Variants in NDST3 observed in about 807,000 individuals in gnomAD.
NDST3 encodes the protein N-deacetylase and N-sulfotransferase 3, also known as bifunctional heparan sulfate N-deacetylase/N-sulfotransferase 3.
A neutral mutation model predicts 96.1 loss-of-function variants in NDST3; 58 were observed. That is an observed-to-expected ratio of 0.60 (90% CI 0.49 to 0.75). The LOEUF (loss-of-function observed/expected upper bound fraction) is 0.75. Ranked by LOEUF, NDST3 falls within the 30% of genes least tolerant of loss-of-function variation. NDST3 has a pLI of 0.00. For missense variants in NDST3, 788 were observed against 1,034.2 expected (o/e 0.76, Z 3.27); for synonymous variants, 333 against 359.7 (o/e 0.93, Z 0.84).
At chr4:118,214,430 T>G (rs1337990818) in intron 6 of NDST3, among the ~76,000 whole-genome samples, 10 of 152,332 alleles carry the variant, frequency 6.6e-5, no homozygotes, top group Middle Eastern at 3.4e-3. Flanking sequence ...TAATAATTTT[T>G]ATGTTGATTA....
chr4:118,210,226 G>A (rs1738694685), intron 6 of NDST3, among the ~76,000 whole-genome samples: 1 of 152,092 alleles, frequency 6.6e-6, no homozygotes, highest in Admixed American at 6.5e-5. Context: ...GCTGAGCTCT[G>A]GCTTGAGGGT....
At chr4:118,094,052 C>T (rs1324408306) in intron 2 of NDST3, among the ~76,000 whole-genome samples, 1 of 151,830 alleles carries the variant, frequency 6.6e-6, no homozygotes, top group Non-Finnish European at 1.5e-5. Flanking sequence ...ATGAGAGCTC[C>T]ACTGTCATGA....
chr4:118,213,965 T>G (rs71608352), intron 6 of NDST3, among the ~76,000 whole-genome samples: 1 of 152,076 alleles, frequency 6.6e-6, no homozygotes, highest in Non-Finnish European at 1.5e-5. Flanking sequence ...ACTGTAGATA[T>G]AATAAAGAGT....
At chr4:118,111,008 CTT>C (rs1730590471) in intron 3 of NDST3, among the ~76,000 whole-genome samples, 1 of 152,130 alleles carries the variant, frequency 6.6e-6, no homozygotes, top group South Asian at 2.1e-4. Context: ...AAATCATGTC[CTT>C]TGCAGCAACA....
intron 6 of NDST3, among the ~76,000 whole-genome samples, chr4:118,219,462 T>C (rs1739398054): frequency 6.6e-6 from 1 of 152,110 alleles, no homozygotes; most frequent in Non-Finnish European, 1.5e-5. Flanking sequence ...ATTTAATAAA[T>C]GGTGCTGGAA....
chr4:118,215,182 C>G (rs1250942293), intron 6 of NDST3, among the ~76,000 whole-genome samples: 1 of 151,782 alleles, frequency 6.6e-6, no homozygotes, highest in Non-Finnish European at 1.5e-5. Context: ...GGTGATTCCA[C>G]CTAGAGACAG....
intron 12 of NDST3, among the ~76,000 whole-genome samples, chr4:118,246,955 T>C (rs1741353698): frequency 6.6e-6 from 1 of 152,200 alleles, no homozygotes; most frequent in Non-Finnish European, 1.5e-5. Flanking sequence ...AATCCTCATA[T>C]ACTGCTAATG....
chr4:118,072,215 C>CT (rs963029539), intron 2 of NDST3, among the ~76,000 whole-genome samples: 1 of 151,800 alleles, frequency 6.6e-6, no homozygotes, highest in Non-Finnish European at 1.5e-5. Context: ...TATTCAGGCA[C>CT]TTTTTTTTGT....
chr4:118,138,312 A>C (rs1733292620), intron 5 of NDST3, 73 bp downstream of exon 5: 1 of 1,340,230 alleles, frequency 7.5e-7, no homozygotes, highest in Admixed American at 2.2e-5. Context: ...AGAAAGAAAA[A>C]CACAAATGTT....
intron 1 of NDST3, among the ~76,000 whole-genome samples, chr4:118,040,782 A>T (rs1724399495): frequency 6.6e-6 from 1 of 150,626 alleles, no homozygotes; most frequent in Non-Finnish European, 1.5e-5. Context: ...TCCCAGGCTC[A>T]AGCGATCCAA....
At chr4:118,115,771 G>T in intron 4 of NDST3, among the ~76,000 whole-genome samples, 1 of 152,114 alleles carries the variant, frequency 6.6e-6, no homozygotes. Context: ...AGTTTCAGTT[G>T]GTTCTCACAG....
chr4:118,189,617 A>T (rs1737174909), intron 6 of NDST3, among the ~76,000 whole-genome samples: 3 of 152,198 alleles, frequency 2.0e-5, no homozygotes. Flanking sequence ...TGTAATAATT[A>T]AAAGATTTTT....
chr4:118,179,116 T>C (rs1736442432), intron 6 of NDST3, among the ~76,000 whole-genome samples: 1 of 152,056 alleles, frequency 6.6e-6, no homozygotes, highest in Non-Finnish European at 1.5e-5. Context: ...AAAGTCATAA[T>C]TTTTATTATG....
intron 2 of NDST3, among the ~76,000 whole-genome samples, chr4:118,061,053 C>T (rs1725853450): frequency 6.6e-6 from 1 of 152,124 alleles, no homozygotes. Context: ...ATGCCATTGA[C>T]ACGTAATTTT....
Position 118,226,990 on chromosome 4 carries a change from CT to C in NDST3, c.1819+13del. 6.3e-7 allele frequency: 1 copy of C among 1,575,548 alleles called. No individual in the cohort carries two copies. Among genetic ancestry groups the C allele is most frequent in the Non-Finnish European group, 8.7e-7 (1 of 1,148,410 alleles). On this transcript the variant is annotated intron_variant, in intron 8 of 13. Transcript: ENST00000296499. ...TAGGACCCCAGAAAACTGGTGAGAACTTTTTATGTTATGATTAACGAGTGTA... is the reference window on the plus strand; with the variant it reads ...TAGGACCCCAGAAAACTGGTGAGAACTTTTATGTTATGATTAACGAGTGTA...
chr4:118,137,685 T>G (rs1364427844), intron 4 of NDST3, among the ~76,000 whole-genome samples: 1 of 152,202 alleles, frequency 6.6e-6, no homozygotes, highest in Non-Finnish European at 1.5e-5. Flanking sequence ...GGTTTTATTT[T>G]GCGGGAAGTG....
chr4:118,198,443 CAA>C (rs951270577), intron 6 of NDST3, among the ~76,000 whole-genome samples: 1 of 152,118 alleles, frequency 6.6e-6, no homozygotes, highest in East Asian at 1.9e-4. Flanking sequence ...AGAAAATTTA[CAA>C]AGACTTCCTG....
chr4:118,065,574 G>C (rs1375547039), intron 2 of NDST3, among the ~76,000 whole-genome samples: 1 of 151,996 alleles, frequency 6.6e-6, no homozygotes, highest in African/African-American at 2.4e-5. Context: ...AGACTGTTTT[G>C]AAAGCCAGTT....
chr4:118,115,446 G>A (rs1156427333), intron 4 of NDST3, among the ~76,000 whole-genome samples: 2 of 152,058 alleles, frequency 1.3e-5, no homozygotes, highest in Non-Finnish European at 2.9e-5. Context: ...ATAAATCTTC[G>A]GGATCAGGAT....
Sources: gnomAD v4.1 joint callset for allele counts (sites outside exome capture counted in the v4.1 genomes callset) on GRCh38, gnomAD v4.1.1 for gene constraint, MANE v1.5 for transcripts, NCBI Gene and HGNC (gene_info 2026-07-23, HGNC 2026-07-21) for gene names.